The following EPB41L4B variants were observed in gnomAD, a reference collection of about 807,000 sequenced individuals.
The protein encoded by EPB41L4B is band 4.1-like protein 4B.
Under a neutral mutation model 112.5 loss-of-function variants are expected in EPB41L4B, and 30 were observed. The ratio of observed to expected loss-of-function variants is 0.27; its 90% CI spans 0.20 to 0.36. The LOEUF is 0.36. Among genes scored for constraint, EPB41L4B ranks in the 10% least tolerant of loss-of-function variants. The pLI is 1.00. For synonymous variants in EPB41L4B, 408 were observed against 439.7 expected (o/e 0.93, Z 0.90); for missense variants, 1,024 against 1,133.3 (o/e 0.90, Z 1.38).
At chr9:109,276,864 C>T (rs957056663) in intron 2 of EPB41L4B, among the ~76,000 whole-genome samples, 8 of 152,200 alleles carry the variant, frequency 5.3e-5, no homozygotes, top group Non-Finnish European at 1.0e-4. Flanking sequence ...TGAAAGATAC[C>T]TCCTCCTTTC....
At chr9:109,199,027 T>C (rs2118731859) in intron 20 of EPB41L4B, among the ~76,000 whole-genome samples, 1 of 152,276 alleles carries the variant, frequency 6.6e-6, no homozygotes, top group South Asian at 2.1e-4. Context: ...CTTTGGATTA[T>C]AATTATTTGT....
At chr9:109,246,781 T>C (rs539712378) in intron 14 of EPB41L4B, among the ~76,000 whole-genome samples, 98 of 152,350 alleles carry the variant, frequency 6.4e-4, no homozygotes, top group African/African-American at 2.3e-3. Flanking sequence ...CAGGCCCTGG[T>C]TGGCCGTCCT....
At position 109,313,611 on chromosome 9, in the gene EPB41L4B, G is replaced by A. The variant is rs541697968; in HGVS notation, c.306+6530C>T. ...CAAGACCTTTAACCTGCCAGCAAGAGAAAGTAATTGTGGTGAGGAGGGTCA... is the reference window on the plus strand; with the variant it reads ...CAAGACCTTTAACCTGCCAGCAAGAAAAAGTAATTGTGGTGAGGAGGGTCA... On this transcript the variant is annotated intron_variant, in intron 1 of 25. Transcript: ENST00000374566. Among the ~76,000 whole-genome samples, 7 of 152,380 alleles carry A rather than the reference G, an allele frequency of 4.6e-5. No homozygotes were observed. In the East Asian group the frequency reaches 1.4e-3, roughly 29 times the overall value.
intron 23 of EPB41L4B, among the ~76,000 whole-genome samples, chr9:109,183,375 T>A (rs745997732): frequency 6.6e-6 from 1 of 152,106 alleles, no homozygotes; most frequent in Non-Finnish European, 1.5e-5. Flanking sequence ...CGTGGAAGCA[T>A]GGGAGAATCC....
intron 1 of EPB41L4B, among the ~76,000 whole-genome samples, chr9:109,286,862 T>C (rs1836305035): frequency 1.3e-5 from 2 of 152,232 alleles, no homozygotes; most frequent in Admixed American, 1.3e-4. Context: ...ATCCCCGTTC[T>C]GAAATGCAAT....
At chr9:109,283,534 A>C (rs1256843286) in intron 1 of EPB41L4B, among the ~76,000 whole-genome samples, 1 of 152,158 alleles carries the variant, frequency 6.6e-6, no homozygotes, top group African/African-American at 2.4e-5. Context: ...ACCACGATAC[A>C]TCAACACTCC....
intron 25 of EPB41L4B, among the ~76,000 whole-genome samples, chr9:109,175,901 C>T (rs575204303): frequency 5.9e-5 from 9 of 152,238 alleles, no homozygotes; most frequent in South Asian, 4.1e-4. Context: ...GGTTGCTCTG[C>T]GCAGTACTCC....
chr9:109,247,804 A>G lies in EPB41L4B; in HGVS notation c.1311-15T>C. 6.7e-7 allele frequency: 1 copy of G among 1,490,446 alleles called. No homozygotes were observed. The allele number at this position is 1,490,446 out of a possible 1,614,324, so 92.3% of individuals were successfully genotyped here. ...TTGTTTTAGAGCTAAACAAACAAAC[A>G]AACAAAAAACAGAAAAAAAAAGAAA... On this transcript the variant is annotated splice_polypyrimidine_tract_variant and intron_variant, in intron 13 of 25. Coordinates refer to ENST00000374566, the MANE Select transcript of EPB41L4B (RefSeq NM_019114.5).
At chr9:109,272,182 C>T (rs1172544593) in intron 2 of EPB41L4B, among the ~76,000 whole-genome samples, 4 of 152,300 alleles carry the variant, frequency 2.6e-5, no homozygotes, top group South Asian at 2.1e-4. Context: ...CTGAGTCAGG[C>T]ATGGTGGCTC....
At chr9:109,302,290 T>C (rs1413735660) in intron 1 of EPB41L4B, among the ~76,000 whole-genome samples, 1 of 152,216 alleles carries the variant, frequency 6.6e-6, no homozygotes, top group East Asian at 1.9e-4. Flanking sequence ...TCTCGGCCTC[T>C]CCTTGGCTGG....
intron 20 of EPB41L4B, among the ~76,000 whole-genome samples, chr9:109,196,673 G>A (rs10816784): frequency 0.38 from 55,318 of 145,080 alleles, 10,379 homozygotes; most frequent in Admixed American, 0.42. Flanking sequence ...GGCTGTGATC[G>A]ACCACTGCAC....
intron 14 of EPB41L4B, among the ~76,000 whole-genome samples, chr9:109,247,031 T>G (rs1020730818): frequency 1.3e-5 from 2 of 152,082 alleles, no homozygotes; most frequent in African/African-American, 4.8e-5. Context: ...GTTCCCACTG[T>G]GTCGTCTGGG....
At chr9:109,297,502 C>T (rs967137305) in intron 1 of EPB41L4B, among the ~76,000 whole-genome samples, 14 of 152,160 alleles carry the variant, frequency 9.2e-5, no homozygotes, top group South Asian at 2.1e-4. Context: ...GGTGATAGCA[C>T]GCATTTCCCA....
chr9:109,275,448 C>T (rs757705012), intron 2 of EPB41L4B, among the ~76,000 whole-genome samples: 6 of 152,168 alleles, frequency 3.9e-5, no homozygotes, highest in Non-Finnish European at 8.8e-5. Context: ...ATCAATGACC[C>T]CAAAAGCCAT....
intron 15 of EPB41L4B, among the ~76,000 whole-genome samples, chr9:109,225,230 G>A (rs145513989): frequency 8.5e-5 from 13 of 152,350 alleles, no homozygotes; most frequent in African/African-American, 2.9e-4. Flanking sequence ...TGAAATATCA[G>A]TGCATTTGGT....
chr9:109,283,419 C>G (rs1564318520), intron 1 of EPB41L4B, among the ~76,000 whole-genome samples: 1 of 152,196 alleles, frequency 6.6e-6, no homozygotes, highest in Non-Finnish European at 1.5e-5. Context: ...TCGACATACT[C>G]CTCTGAAGGC....
At chr9:109,215,579 C>T (rs1833332869) in intron 16 of EPB41L4B, among the ~76,000 whole-genome samples, 1 of 152,072 alleles carries the variant, frequency 6.6e-6, no homozygotes, top group Admixed American at 6.6e-5. Context: ...CCTCTGCCTC[C>T]AAGTTTCAAG....
intron 1 of EPB41L4B, chr9:109,300,800 A>AAAC (rs980707769): frequency 6.6e-6 from 1 of 152,078 alleles, no homozygotes; most frequent in South Asian, 2.1e-4. Context: ...ACAAAGAAAT[A>AAAC]AACAACAACA....
intron 2 of EPB41L4B, among the ~76,000 whole-genome samples, chr9:109,270,973 A>G (rs1293110354): frequency 1.3e-5 from 2 of 152,198 alleles, no homozygotes; most frequent in African/African-American, 4.8e-5. Context: ...TTAGTACTGA[A>G]GTTTTCCACA....
Sources: gnomAD v4.1 joint callset for allele counts (sites outside exome capture counted in the v4.1 genomes callset) on GRCh38, gnomAD v4.1.1 for gene constraint, MANE v1.5 for transcripts, NCBI Gene and HGNC (gene_info 2026-07-23, HGNC 2026-07-21) for gene names.